TGFA: variants seen among roughly 807,000 people sequenced by gnomAD.
TGFA encodes transforming growth factor alpha.
TGFA carries 12 observed loss-of-function variants against 21.7 expected under a neutral mutation model. The observed-to-expected ratio is 0.55, with a 90% confidence interval of 0.35 to 0.90. The LOEUF is 0.90. TGFA is among the 40% of genes least tolerant of loss of function. The pLI is 0.01. For missense variants in TGFA, 178 were observed against 210.8 expected, an observed-to-expected ratio of 0.84 and a Z score of 0.96; for synonymous variants, 79 against 88.1, an observed-to-expected ratio of 0.90 and a Z score of 0.58.
intron 2 of TGFA, among the ~76,000 whole-genome samples, chr2:70,469,674 C>T (rs180767503): frequency 6.5e-4 from 99 of 152,298 alleles, no homozygotes; most frequent in African/African-American, 2.0e-3. Context: ...ATGTTTGAGA[C>T]GCAGGCTTGT....
intron 1 of TGFA, among the ~76,000 whole-genome samples, chr2:70,531,591 C>T (rs1483609558): frequency 6.6e-6 from 1 of 152,184 alleles, no homozygotes; most frequent in African/African-American, 2.4e-5. Flanking sequence ...CCATACAGAA[C>T]CCACAGCAGA....
At chr2:70,476,288 A>G (rs991119445) in intron 2 of TGFA, among the ~76,000 whole-genome samples, 3 of 152,134 alleles carry the variant, frequency 2.0e-5, no homozygotes, top group Non-Finnish European at 4.4e-5. Context: ...TTTGGAAAAT[A>G]CTTTACTTCC....
intron 1 of TGFA, among the ~76,000 whole-genome samples, chr2:70,533,775 G>A (rs901424561): frequency 3.3e-5 from 5 of 152,192 alleles, no homozygotes; most frequent in African/African-American, 1.2e-4. Context: ...ATTCAGAGAT[G>A]TGAATGATTT....
At chr2:70,462,112 G>A (rs3771518) in intron 3 of TGFA, among the ~76,000 whole-genome samples, 41,847 of 151,998 alleles carry the variant, frequency 0.28, 6,087 homozygotes, top group East Asian at 0.4. Context: ...CTGACCTCAG[G>A]GTATGTCAGG....
At chr2:70,545,450 T>A (rs55653722) in intron 1 of TGFA, among the ~76,000 whole-genome samples, 1 of 152,032 alleles carries the variant, frequency 6.6e-6, no homozygotes, top group African/African-American at 2.4e-5. Context: ...TTAGTTGTTT[T>A]AAAAAAACAG....
chr2:70,549,161 C>T (rs566265406), intron 1 of TGFA, among the ~76,000 whole-genome samples: 3 of 152,284 alleles, frequency 2.0e-5, no homozygotes, highest in African/African-American at 7.2e-5. Flanking sequence ...AGTTTAATAA[C>T]ATGGGATCGT....
chr2:70,545,323 C>A (rs10489984), intron 1 of TGFA, among the ~76,000 whole-genome samples: 2 of 152,124 alleles, frequency 1.3e-5, no homozygotes, highest in Admixed American at 1.3e-4. Context: ...TCATTTTAAA[C>A]TGCTAGTAGG....
At chr2:70,534,313 G>A (rs1553504096) in intron 1 of TGFA, among the ~76,000 whole-genome samples, 1 of 152,222 alleles carries the variant, frequency 6.6e-6, no homozygotes, top group Non-Finnish European at 1.5e-5. Flanking sequence ...TAGTTGGACT[G>A]TGAAGAACTA....
rs1034981953 is a variant in TGFA, at chr2:70,449,287, C to T, written c.*1572G>A. On this transcript the variant is annotated 3_prime_UTR_variant, in exon 6 of 6. Coordinates refer to ENST00000295400, the MANE Select transcript of TGFA (RefSeq NM_003236.4). ...CTCTGAAAATTTCAAGCCAATTTAA[C>T]ATATTTTAAATGTACCTTTCACGAT... 2.0e-5 allele frequency: 3 copies of T among 152,190 alleles called. No individual in the cohort carries two copies. In the East Asian group the frequency reaches 5.8e-4, roughly 29 times the overall value. The allele number at this position is 152,190 out of a possible 1,614,324, so 9.4% of individuals were successfully genotyped here.
intron 1 of TGFA, among the ~76,000 whole-genome samples, chr2:70,534,412 G>A (rs904767362): frequency 2.0e-5 from 3 of 152,222 alleles, no homozygotes; most frequent in African/African-American, 7.2e-5. Context: ...AGGGGGATGA[G>A]GAGGAGGTGA....
chr2:70,524,886 C>G (rs2103885365), intron 1 of TGFA, among the ~76,000 whole-genome samples: 1 of 152,312 alleles, frequency 6.6e-6, no homozygotes, highest in East Asian at 1.9e-4. Flanking sequence ...GGTTATAAGT[C>G]CCTCCCTATC....
chr2:70,461,579 T>G (rs1309296362), intron 3 of TGFA: 1 of 152,196 alleles, frequency 6.6e-6, no homozygotes, highest in Non-Finnish European at 1.5e-5. Flanking sequence ...CGAGGAGCAT[T>G]TGGGACAGGT....
rs1235151737 is a variant in TGFA at position 70,451,713 on chromosome 2, AAAT to A, written c.476-850_476-848del. On this transcript the variant is annotated intron_variant, in intron 5 of 5. Coordinates refer to ENST00000295400, the MANE Select transcript of TGFA (RefSeq NM_003236.4). The stretch of plus-strand genomic sequence containing the variant: ...ATTTTTCTATTGGTGCTAAAAGAAA[AAAT>A]AAAAATATTTACCTTCATTAGCTCA... 1.9e-5 allele frequency: 13 copies of A among 687,056 alleles called. No individual in the cohort carries two copies. The Admixed American group carries it at 2.3e-4, about 12-fold the overall frequency. 42.6% of individuals were successfully genotyped at this position (687,056 alleles called of 1,614,324 possible).
At position 70,504,477 on chromosome 2, in the gene TGFA, C is replaced by CATATATATATATATAT. The variant is rs370498590; in HGVS notation, c.94+10381_94+10382insATATATATATATATAT. On this transcript the variant is annotated intron_variant, in intron 2 of 5. Transcript: ENST00000295400. Reference sequence around the variant, plus strand: ...ATATATATATATACACACATACATACATACATACACACACACACACACACA... The same window carrying CATATATATATATATAT: ...ATATATATATATACACACATACATACATATATATATATATATATACATACACACACACACACACACA... Among the ~76,000 whole-genome samples, 31 of 67,444 alleles carry CATATATATATATATAT rather than the reference C, an allele frequency of 4.6e-4. No individual in the cohort carries two copies. In the East Asian group the frequency reaches 0.011, roughly 23 times the overall value. 44.2% of individuals were successfully genotyped at this position (67,444 alleles called of 152,430 possible).
At chr2:70,546,397 C>T (rs116248937) in intron 1 of TGFA, among the ~76,000 whole-genome samples, 10 of 152,166 alleles carry the variant, frequency 6.6e-5, no homozygotes, top group South Asian at 6.2e-4. Flanking sequence ...ATTTGGGGTA[C>T]AATTCATTGT....
chr2:70,512,544 T>C (rs1672134847), intron 2 of TGFA, among the ~76,000 whole-genome samples: 1 of 152,144 alleles, frequency 6.6e-6, no homozygotes, highest in Non-Finnish European at 1.5e-5. Flanking sequence ...CATGTCACAA[T>C]GAGGGGAAGT....
chr2:70,513,513 C>A (rs141126578), intron 2 of TGFA, among the ~76,000 whole-genome samples: 2 of 152,318 alleles, frequency 1.3e-5, no homozygotes, highest in African/African-American at 2.4e-5. Context: ...CCAGCCCCAA[C>A]AAAGCACGAC....
At chr2:70,499,255 A>G (rs1350440535) in intron 2 of TGFA, among the ~76,000 whole-genome samples, 2 of 151,842 alleles carry the variant, frequency 1.3e-5, no homozygotes, top group Admixed American at 1.3e-4. Context: ...GGAGCTAGGT[A>G]TGGCCATATG....
intron 1 of TGFA, among the ~76,000 whole-genome samples, chr2:70,541,778 C>T (rs1321103465): frequency 6.6e-6 from 1 of 152,102 alleles, no homozygotes; most frequent in African/African-American, 2.4e-5. Flanking sequence ...TATGAGTTTA[C>T]CTCACATTCC....
Sources: allele counts gnomAD v4.1 joint callset (sites outside exome capture counted in the v4.1 genomes callset), GRCh38; gene constraint gnomAD v4.1.1; transcripts MANE v1.5; gene names NCBI Gene and HGNC (gene_info 2026-07-23, HGNC 2026-07-21).